Variants in SGMS2 observed in about 807,000 individuals in gnomAD.
The protein encoded by SGMS2 is phosphatidylcholine:ceramide cholinephosphotransferase 2.
Under a neutral mutation model 43.8 loss-of-function variants are expected in SGMS2, and 21 were observed. That is an observed-to-expected ratio of 0.48 (90% CI 0.34 to 0.69). The LOEUF is 0.69. Among genes scored for constraint, SGMS2 ranks in the 30% least tolerant of loss-of-function variants. The pLI is 0.01. For missense variants in SGMS2, 384 were observed against 443.2 expected, an observed-to-expected ratio of 0.87 and a Z score of 1.20; for synonymous variants, 167 against 160.6, an observed-to-expected ratio of 1.04 and a Z score of -0.30.
chr4:107,874,738 C>T (rs1241526328), intron 2 of SGMS2, among the ~76,000 whole-genome samples: 1 of 151,948 alleles, frequency 6.6e-6, no homozygotes, highest in Admixed American at 6.6e-5. Context: ...GTATCAATAT[C>T]ATTGTCACTT....
At chr4:107,905,531 T>C (rs1032897634) in intron 5 of SGMS2, among the ~76,000 whole-genome samples, 1 of 152,216 alleles carries the variant, frequency 6.6e-6, no homozygotes, top group Admixed American at 6.5e-5. Flanking sequence ...CATTTGATCC[T>C]TACAACCACC....
At chr4:107,900,231 A>AGTG (rs1351879670) in intron 4 of SGMS2, among the ~76,000 whole-genome samples, 1 of 152,288 alleles carries the variant, frequency 6.6e-6, no homozygotes, top group African/African-American at 2.4e-5. Context: ...GCAGGAACCA[A>AGTG]GACAAGGAAG....
intron 2 of SGMS2, among the ~76,000 whole-genome samples, chr4:107,892,318 G>A (rs562705348): frequency 6.6e-6 from 1 of 151,462 alleles, no homozygotes; most frequent in East Asian, 1.9e-4. Flanking sequence ...GGGATTCTCT[G>A]GAATGGGTGC....
At position 107,912,540 on chromosome 4, in the gene SGMS2, C is replaced by G. The variant is rs752368595; in HGVS notation, c.*1987C>G. 2 of 152,132 alleles carry G rather than the reference C, an allele frequency of 1.3e-5. No individual in the cohort carries two copies. Among genetic ancestry groups the G allele is most frequent in the Non-Finnish European group, 2.9e-5 (2 of 68,022 alleles). The allele number at this position is 152,132 out of a possible 1,614,324, so 9.4% of individuals were successfully genotyped here. A position where few individuals can be genotyped will look rare whatever the true frequency, so the allele number is the denominator to read the frequency against. On this transcript the variant is annotated 3_prime_UTR_variant, in exon 7 of 7. Coordinates refer to ENST00000690982, the MANE Select transcript of SGMS2 (RefSeq NM_001375905.1). Reference sequence around the variant, plus strand: ...CCCGATTGTAAAGAAAATCATCTGACACAGAAGCCTGGATTTTGCTCTCCT... The same window carrying G: ...CCCGATTGTAAAGAAAATCATCTGAGACAGAAGCCTGGATTTTGCTCTCCT...
chr4:107,898,126 G>C (rs181038778), intron 3 of SGMS2, among the ~76,000 whole-genome samples: 1 of 152,218 alleles, frequency 6.6e-6, no homozygotes, highest in East Asian at 1.9e-4. Context: ...CTTAACCAAG[G>C]GAAGAAACTC....
chr4:107,885,551 T>C (rs1729684015), intron 2 of SGMS2, among the ~76,000 whole-genome samples: 1 of 152,142 alleles, frequency 6.6e-6, no homozygotes, highest in Non-Finnish European at 1.5e-5. Flanking sequence ...AAATAAGATT[T>C]AGAATCTTTT....
chr4:107,837,820 G>A (rs1726278308), intron 1 of SGMS2, among the ~76,000 whole-genome samples: 1 of 152,092 alleles, frequency 6.6e-6, no homozygotes. Flanking sequence ...GAAAGTACTG[G>A]AGACTTACAG....
chr4:107,827,075 T>C (rs1725635070), intron 1 of SGMS2, among the ~76,000 whole-genome samples: 1 of 152,192 alleles, frequency 6.6e-6, no homozygotes. Flanking sequence ...TTAGAACTAT[T>C]AAAATAGACA....
At chr4:107,899,476 A>G (rs1730940845) in intron 3 of SGMS2, 99 bp from the exon 4 acceptor site, 1 of 827,962 alleles carries the variant, frequency 1.2e-6, no homozygotes, top group Admixed American at 2.2e-5. Context: ...GCCATTCTGT[A>G]CTGATTATTC....
In SGMS2 at chr4:107,895,631, A is replaced by G. The variant is rs1418181891; in HGVS notation, c.78A>G (p.Arg26=). ...GTGATCCTACGAACACTTATGCAAG[A>G]CCCGCTGAACCTGTTGAAGAAGAAA... is the stretch of plus-strand genomic sequence containing the variant. The part of the protein sequence containing the change: ...QPSDPTNTYA[R]PAEPVEEENK... Residue 26 remains arginine, a synonymous_variant, in exon 3 of 7, where the codon AGA becomes AGG. Transcript: ENST00000690982. 1.9e-6 allele frequency: 3 copies of G among 1,614,002 alleles called. No homozygotes were observed. The highest frequency in any genetic ancestry group is 2.5e-6 in the Non-Finnish European group (3 of 1,179,948).
At chr4:107,906,197 T>C (rs555942488) in intron 5 of SGMS2, among the ~76,000 whole-genome samples, 3 of 152,332 alleles carry the variant, frequency 2.0e-5, no homozygotes, top group African/African-American at 7.2e-5. Context: ...TTTATATATA[T>C]ATTTTTTTAC....
intron 2 of SGMS2, among the ~76,000 whole-genome samples, chr4:107,877,112 G>A (rs1400531677): frequency 6.6e-6 from 1 of 151,778 alleles, no homozygotes; most frequent in Non-Finnish European, 1.5e-5. Flanking sequence ...CCAGCCTGGG[G>A]AACATAGCAA....
At chr4:107,846,160 G>A (rs964043944) in intron 1 of SGMS2, among the ~76,000 whole-genome samples, 8 of 151,404 alleles carry the variant, frequency 5.3e-5, no homozygotes, top group African/African-American at 1.7e-4. Flanking sequence ...TGTGCACAAT[G>A]TGCAGGTTAG....
At chr4:107,842,515 CA>C (rs778364971) in intron 1 of SGMS2, among the ~76,000 whole-genome samples, 31 of 152,186 alleles carry the variant, frequency 2.0e-4, no homozygotes, top group Non-Finnish European at 4.0e-4. Context: ...GATTACATTT[CA>C]ACATGAGATT....
rs200702483 is a variant in SGMS2 at position 107,895,534 on chromosome 4, G to T, written c.-20G>T. On this transcript the variant is annotated 5_prime_UTR_variant, in exon 3 of 7. Transcript: ENST00000690982. The stretch of plus-strand genomic sequence containing the variant: ...ACAAGAACTTGACCATCTCCTTTTT[G>T]ATCTGAAGACTAGGGGACAATGGAT... The T allele has an allele frequency of 6.6e-5, 104 of 1,583,518 alleles. No individual in the cohort carries two copies. Among genetic ancestry groups the T allele is most frequent in the Admixed American group, 1.7e-4 (9 of 54,200 alleles).
chr4:107,908,187 T>C (rs13144835), intron 5 of SGMS2: 49,320 of 164,706 alleles, frequency 0.3, 8,341 homozygotes, highest in African/African-American at 0.46. Flanking sequence ...TTTCTTTTGA[T>C]CCCTACTATC....
rs1730582993 is a variant in SGMS2, at chr4:107,895,408, G to A, written c.-146G>A. 9 of 797,716 alleles carry A rather than the reference G, an allele frequency of 1.1e-5. No homozygotes were observed. Among genetic ancestry groups the A allele is most frequent in the South Asian group, 5.6e-5 (3 of 53,578 alleles). The allele number at this position is 797,716 out of a possible 1,614,324, so 49.4% of individuals were successfully genotyped here. ...TGCATGGAAGAAACAGTAATCGGAT[G>A]GCTACCTTCTACATTTTGTATTAGG... On this transcript the variant is annotated 5_prime_UTR_variant, in exon 3 of 7. An upstream start codon of the reference 5' UTR is lost. Coordinates refer to ENST00000690982, the MANE Select transcript of SGMS2 (RefSeq NM_001375905.1).
intron 2 of SGMS2, among the ~76,000 whole-genome samples, chr4:107,884,195 A>C (rs2126090818): frequency 6.6e-6 from 1 of 152,372 alleles, no homozygotes; most frequent in Non-Finnish European, 1.5e-5. Flanking sequence ...AAACTTCAGA[A>C]GAAAATAACA....
chr4:107,853,508 G>C (rs946487445), intron 1 of SGMS2, among the ~76,000 whole-genome samples: 2 of 152,082 alleles, frequency 1.3e-5, no homozygotes, highest in African/African-American at 4.8e-5. Context: ...GCTTCTGTAA[G>C]TTCAAACTTG....
Sources: allele counts gnomAD v4.1 joint callset (sites outside exome capture counted in the v4.1 genomes callset), GRCh38; gene constraint gnomAD v4.1.1; transcripts MANE v1.5; gene names NCBI Gene and HGNC (gene_info 2026-07-23, HGNC 2026-07-21).